Variants in RUNX3 observed in about 807,000 individuals in gnomAD.
RUNX3 encodes the protein runt-related transcription factor 3.
In RUNX3, 10 loss-of-function variants were observed where a neutral mutation model predicts 27.7. The observed-to-expected ratio is 0.36, with a 90% CI of 0.22 to 0.61. The LOEUF (loss-of-function observed/expected upper bound fraction) is 0.61. Ranked by LOEUF, RUNX3 falls within the 20% of genes least tolerant of loss-of-function variation. The probability of loss-of-function intolerance (pLI) is 0.72; values close to 1 mark genes in which losing one functional copy is unlikely to be tolerated. For missense variants in RUNX3, 469 were observed against 629.5 expected (o/e 0.75, Z 2.73); for synonymous variants, 270 against 269.2 (o/e 1.00, Z -0.03).
chr1:24,941,217 C>T (rs943689283), intron 2 of RUNX3, among the ~76,000 whole-genome samples: 2 of 152,158 alleles, frequency 1.3e-5, no homozygotes, highest in Non-Finnish European at 2.9e-5. Flanking sequence ...CTGCTGAGCA[C>T]GCTCCCCAAG....
chr1:24,934,507 G>A (rs546964185), upstream of RUNX3, among the ~76,000 whole-genome samples: 1 of 152,200 alleles, frequency 6.6e-6, no homozygotes, highest in African/African-American at 2.4e-5. Context: ...GCTCCCCTGA[G>A]CCTTGGTCCC....
chr1:24,931,244 A>G (rs1272748781), upstream of RUNX3, among the ~76,000 whole-genome samples: 3 of 152,070 alleles, frequency 2.0e-5, no homozygotes, highest in Non-Finnish European at 4.4e-5. Flanking sequence ...TGCGGGTCCA[A>G]CCCCACTTCT....
chr1:24,934,580 G>C (rs987683368), upstream of RUNX3, among the ~76,000 whole-genome samples: 1 of 152,180 alleles, frequency 6.6e-6, no homozygotes, highest in East Asian at 1.9e-4. Context: ...TGTGCCAGGC[G>C]CCGCACATGG....
upstream of RUNX3, among the ~76,000 whole-genome samples, chr1:24,932,760 C>T (rs1641261215): frequency 1.3e-5 from 2 of 152,182 alleles, no homozygotes; most frequent in South Asian, 2.1e-4. Flanking sequence ...GACTCCCCCA[C>T]CTGGGGCATG....
chr1:24,929,573 G>A lies in RUNX3; in HGVS notation c.282+14C>T, dbSNP rs761224115. The A allele has an allele frequency of 6.3e-7, 1 of 1,597,968 alleles. No individual in the cohort carries two copies. The highest frequency in any genetic ancestry group is 1.3e-5 in the African/African-American group (1 of 74,792). On this transcript the variant is annotated intron_variant, in intron 1 of 4. Transcript: ENST00000308873. ...CCAGGGCCGGCGCCCTCCCGCCCCGGGTCCCGCACTCACCTTGAAGGCGAC... is the reference window on the plus strand; with the variant it reads ...CCAGGGCCGGCGCCCTCCCGCCCCGAGTCCCGCACTCACCTTGAAGGCGAC...
intron 2 of RUNX3, among the ~76,000 whole-genome samples, chr1:24,946,295 A>T (rs1167776039): frequency 6.6e-6 from 1 of 152,120 alleles, no homozygotes; most frequent in Non-Finnish European, 1.5e-5. Flanking sequence ...TAATCCTGCC[A>T]CCCAGAACAA....
chr1:24,942,407 A>G (rs752313393), intron 2 of RUNX3, among the ~76,000 whole-genome samples: 3 of 152,218 alleles, frequency 2.0e-5, no homozygotes, highest in Non-Finnish European at 4.4e-5. Context: ...CCAATATTTG[A>G]TAGTGTCTTG....
chr1:24,912,163 C>A (rs1355335097), intron 3 of RUNX3, among the ~76,000 whole-genome samples: 2 of 152,202 alleles, frequency 1.3e-5, no homozygotes, highest in Admixed American at 1.3e-4. Context: ...GGAGCTCTGG[C>A]TCTAACCCAC....
rs549463628 is a variant in RUNX3 at position 24,949,075 on chromosome 1, G to C, written c.58+15439C>G. Among the ~76,000 whole-genome samples the C allele has an allele frequency of 2.4e-3, 360 of 152,138 alleles. 1 individual carries two copies. The highest frequency in any genetic ancestry group is 3.9e-3 in the Non-Finnish European group (268 of 67,996). ...CACAGTGAACACTGCGAGTGTCTTT[G>C]AGGGGATGGGGGTCTGCAGGTCTTC... On this transcript the variant is annotated intron_variant, in intron 2 of 6. Transcript: ENST00000338888.
chr1:24,909,246 C>T (rs1013615856), intron 3 of RUNX3, among the ~76,000 whole-genome samples: 2 of 152,198 alleles, frequency 1.3e-5, no homozygotes, highest in African/African-American at 2.4e-5. Flanking sequence ...ACAAGCAACA[C>T]GTGAATATTT....
intron 2 of RUNX3, among the ~76,000 whole-genome samples, chr1:24,952,008 CACTT>C (rs1641779621): frequency 6.6e-6 from 1 of 152,274 alleles, no homozygotes; most frequent in Admixed American, 6.5e-5. Context: ...GTATGGAAAA[CACTT>C]AGACAGTGGC....
Position 24,900,479 on chromosome 1 carries a change from A to G in RUNX3, c.*1643T>C, listed in dbSNP as rs551236374. On this transcript the variant is annotated 3_prime_UTR_variant, in exon 5 of 5. Coordinates refer to ENST00000308873, the MANE Select transcript of RUNX3 (RefSeq NM_004350.3). ...TATGAGTTCCCTTACGCCTTTTCTA[A>G]GCCTTTCTAGGGCCAGAGAACTCTG... is the stretch of plus-strand genomic sequence containing the variant. 1.7e-4 allele frequency: 26 copies of G among 152,508 alleles called. No individual in the cohort carries two copies. The highest frequency in any genetic ancestry group is 6.0e-4 in the African/African-American group (25 of 41,590). The allele number at this position is 152,508 out of a possible 1,614,324, so 9.4% of individuals were successfully genotyped here.
upstream of RUNX3, among the ~76,000 whole-genome samples, chr1:24,933,373 A>G (rs1293120710): frequency 1.3e-5 from 2 of 152,218 alleles, no homozygotes; most frequent in African/African-American, 4.8e-5. Flanking sequence ...GGCCTGGCAC[A>G]TGGAGGGTGC....
chr1:24,900,549 T>C lies in RUNX3; in HGVS notation c.*1573A>G, dbSNP rs1436459917. Reference sequence around the variant, plus strand: ...CTGGCCCTTGGGCAAGCGCCCACTTTCCCATTTTGCAAAATTCAGGGGCAA... The same window carrying C: ...CTGGCCCTTGGGCAAGCGCCCACTTCCCCATTTTGCAAAATTCAGGGGCAA... On this transcript the variant is annotated 3_prime_UTR_variant, in exon 5 of 5. Transcript: ENST00000308873. 7 of 152,396 alleles carry C rather than the reference T, an allele frequency of 4.6e-5. No homozygotes were observed. The highest frequency in any genetic ancestry group is 6.5e-5 in the Admixed American group (1 of 15,288). The allele number at this position is 152,396 out of a possible 1,614,324, so 9.4% of individuals were successfully genotyped here.
chr1:24,952,395 G>A lies in RUNX3; in HGVS notation c.58+12119C>T, dbSNP rs532778578. On this transcript the variant is annotated intron_variant, in intron 2 of 6. Coordinates refer to the RUNX3 transcript ENST00000338888. The stretch of plus-strand genomic sequence containing the variant: ...ATTTTAGATCTCCATGGCCCAACAA[G>A]GTAGCCATTAGCATATCAAAGACTC... Among the ~76,000 whole-genome samples, 9 of 152,284 alleles carry A rather than the reference G, an allele frequency of 5.9e-5. No individual in the cohort carries two copies. In the East Asian group the frequency reaches 1.7e-3, roughly 29 times the overall value.
chr1:24,932,456 G>C (rs1473147936), upstream of RUNX3, among the ~76,000 whole-genome samples: 1 of 152,080 alleles, frequency 6.6e-6, no homozygotes, highest in Non-Finnish European at 1.5e-5. Context: ...TGCGGGCCCG[G>C]CCGGGCTACA....
In RUNX3 at chr1:24,900,158, A is replaced by G. The variant is rs1411645032; in HGVS notation, c.*1964T>C. ...ATGGATTCATAGCTGCTTCCTAAGA[A>G]GGCATGGAGAGGCCCCTTGGGTGCA... On this transcript the variant is annotated 3_prime_UTR_variant, in exon 5 of 5. Coordinates refer to ENST00000308873, the MANE Select transcript of RUNX3 (RefSeq NM_004350.3). 1.3e-5 allele frequency: 2 copies of G among 152,360 alleles called. No individual in the cohort carries two copies. The highest frequency in any genetic ancestry group is 2.9e-5 in the Non-Finnish European group (2 of 68,064). 9.4% of individuals were successfully genotyped at this position (152,360 alleles called of 1,614,324 possible). A position where few individuals can be genotyped will look rare whatever the true frequency, so the allele number is the denominator to read the frequency against.
intron 3 of RUNX3, among the ~76,000 whole-genome samples, chr1:24,911,693 G>A (rs1640799315): frequency 6.6e-6 from 1 of 152,250 alleles, no homozygotes; most frequent in African/African-American, 2.4e-5. Flanking sequence ...CAGCAAGGCA[G>A]GATTCACACC....
rs573486131 is a variant in RUNX3 at position 24,904,185 on chromosome 1, C to T, written c.704-1519G>A. ...GTGTCACCCACCAAAGGATAAGGGC[C>T]GGTGCTAGCCGGAGTGGGCTCTGCC... is the stretch of plus-strand genomic sequence containing the variant. On this transcript the variant is annotated intron_variant, in intron 4 of 4. Transcript: ENST00000308873. This position sits in a 1 kb window ranked among gnomAD's most constrained non-coding sequence, Gnocchi z 5.7. Among the ~76,000 whole-genome samples the T allele has an allele frequency of 4.6e-5, 7 of 152,142 alleles. No homozygotes were observed. The highest frequency in any genetic ancestry group is 6.5e-5 in the Admixed American group (1 of 15,280).
Sources: gnomAD v4.1 joint callset for allele counts (sites outside exome capture counted in the v4.1 genomes callset) on GRCh38, gnomAD v4.1.1 for gene constraint, Gnocchi (gnomAD v3.1) non-coding constraint, MANE v1.5 for transcripts, NCBI Gene and HGNC (gene_info 2026-07-23, HGNC 2026-07-21) for gene names.